The following SNAP91 variants were observed in gnomAD, a reference collection of about 807,000 sequenced individuals.
The protein encoded by SNAP91 is synaptosome associated protein 91, also known as clathrin coat assembly protein AP180.
A neutral mutation model predicts 100.3 loss-of-function variants in SNAP91; 27 were observed. The ratio of observed to expected loss-of-function variants is 0.27; its 90% CI spans 0.20 to 0.37. The LOEUF (loss-of-function observed/expected upper bound fraction) is 0.37, where lower values mean the gene tolerates loss of function less well. Among genes scored for constraint, SNAP91 ranks in the 10% least tolerant of loss-of-function variants. SNAP91 has a pLI of 1.00. For synonymous variants in SNAP91, 404 were observed against 398.6 expected (o/e 1.01, Z -0.16); for missense variants, 986 against 1,123.7 (o/e 0.88, Z 1.75).
intron 2 of SNAP91, among the ~76,000 whole-genome samples, chr6:83,666,641 C>T (rs1054512164): frequency 6.6e-6 from 1 of 152,028 alleles, no homozygotes; most frequent in African/African-American, 2.4e-5. Context: ...GATATTCTAC[C>T]ACTGAAAAAT....
At chr6:83,647,972 C>T (rs1240750779) in intron 7 of SNAP91, among the ~76,000 whole-genome samples, 1 of 152,116 alleles carries the variant, frequency 6.6e-6, no homozygotes, top group Non-Finnish European at 1.5e-5. Flanking sequence ...ACAAAAGTCA[C>T]CTCTTAAAAG....
Position 83,659,014 on chromosome 6 carries a change from T to C in SNAP91, c.531A>G (p.Ala177=), listed in dbSNP as rs756191087. 2 of 1,603,294 alleles carry C rather than the reference T, an allele frequency of 1.2e-6. No individual in the cohort carries two copies. Among genetic ancestry groups the C allele is most frequent in the Non-Finnish European group, 1.7e-6 (2 of 1,174,450 alleles). Residue 177 remains alanine, a synonymous_variant, in exon 6 of 30, where the codon GCA becomes GCG. Coordinates refer to ENST00000369694, the MANE Select transcript of SNAP91 (RefSeq NM_001242792.2). The stretch of plus-strand genomic sequence containing the variant: ...AGATACATACATCAAATTCAAGCAG[T>C]GCATCAATTTGTCCCTGTAGTATTG... ...SMPILQGQID[A]LLEFDVHPNE...
At chr6:83,575,924 T>C in intron 25 of SNAP91, 99 bp downstream of exon 25, 1 of 673,156 alleles carries the variant, frequency 1.5e-6, no homozygotes, top group Non-Finnish European at 2.5e-6. Flanking sequence ...TTATCTAGCA[T>C]GAGAATGAAT....
chr6:83,645,476 T>G (rs151217841), intron 7 of SNAP91, among the ~76,000 whole-genome samples: 6 of 152,280 alleles, frequency 3.9e-5, no homozygotes, highest in African/African-American at 1.4e-4. Context: ...CTCTTGGTGT[T>G]GTACATTCTA....
intron 16 of SNAP91, among the ~76,000 whole-genome samples, chr6:83,595,100 G>A (rs2094309347): frequency 6.6e-6 from 1 of 151,458 alleles, no homozygotes; most frequent in South Asian, 2.1e-4. Flanking sequence ...ATTTTACTAA[G>A]GTTTACTAAG....
At chr6:83,706,355 TG>T in intron 2 of SNAP91, among the ~76,000 whole-genome samples, 4 of 152,238 alleles carry the variant, frequency 2.6e-5, no homozygotes, top group Admixed American at 2.6e-4. Flanking sequence ...TGCAGCAAAG[TG>T]ATCTGGTCAC....
chr6:83,650,428 A>AT (rs888968929), intron 7 of SNAP91, among the ~76,000 whole-genome samples: 1 of 151,676 alleles, frequency 6.6e-6, no homozygotes, highest in Non-Finnish European at 1.5e-5. Context: ...AGTCAAATTA[A>AT]TTTTTTTTGA....
chr6:83,558,354 T>G (rs1158963486), intron 28 of SNAP91, among the ~76,000 whole-genome samples: 1 of 152,208 alleles, frequency 6.6e-6, no homozygotes. Flanking sequence ...ATACCTAACC[T>G]CAACCATTAT....
intron 26 of SNAP91, among the ~76,000 whole-genome samples, chr6:83,572,715 G>A (rs1439909307): frequency 6.6e-6 from 1 of 152,124 alleles, no homozygotes; most frequent in Non-Finnish European, 1.5e-5. Flanking sequence ...GGTGATAAGG[G>A]CAACATCACG....
chr6:83,684,545 C>T (rs1426351966), intron 2 of SNAP91, among the ~76,000 whole-genome samples: 1 of 152,108 alleles, frequency 6.6e-6, no homozygotes, highest in East Asian at 1.9e-4. Context: ...AAACAAAGTC[C>T]TTTTTGTCAC....
chr6:83,641,085 A>T lies in SNAP91; in HGVS notation c.765+11T>A. ...AAAATTATATTCCCAAGAAAACTTA[A>T]TATTACTTACCTCTGCAACCTTGAG... On this transcript the variant is annotated intron_variant, in intron 8 of 29. Coordinates refer to ENST00000369694, the MANE Select transcript of SNAP91 (RefSeq NM_001242792.2). 7.1e-7 allele frequency: 1 copy of T among 1,405,302 alleles called. No individual in the cohort carries two copies. Among genetic ancestry groups the T allele is most frequent in the East Asian group, 2.5e-5 (1 of 39,222 alleles). The allele number at this position is 1,405,302 out of a possible 1,614,324, so 87.1% of individuals were successfully genotyped here. A position where few individuals can be genotyped will look rare whatever the true frequency, so the allele number is the denominator to read the frequency against.
At chr6:83,662,985 C>T (rs1031574016) in intron 3 of SNAP91, among the ~76,000 whole-genome samples, 1 of 152,134 alleles carries the variant, frequency 6.6e-6, no homozygotes. Flanking sequence ...GTAATTCTCA[C>T]AATAGTTCAA....
At chr6:83,630,919 A>G (rs888428834) in intron 8 of SNAP91, among the ~76,000 whole-genome samples, 1 of 151,768 alleles carries the variant, frequency 6.6e-6, no homozygotes, top group African/African-American at 2.4e-5. Flanking sequence ...TTGATCCTTG[A>G]GGTGTGACCT....
intron 22 of SNAP91, among the ~76,000 whole-genome samples, chr6:83,588,737 G>A (rs1305867412): frequency 6.6e-6 from 1 of 152,166 alleles, no homozygotes; most frequent in East Asian, 1.9e-4. Context: ...TTTTCCCACA[G>A]GAAAAGGCCT....
chr6:83,566,704 T>C (rs1199702130), intron 26 of SNAP91, among the ~76,000 whole-genome samples: 1 of 152,166 alleles, frequency 6.6e-6, no homozygotes, highest in Non-Finnish European at 1.5e-5. Context: ...TGAGTTCTCA[T>C]GTAAGCAAAA....
At chr6:83,658,936 G>T in intron 6 of SNAP91, 63 bp downstream of exon 6, 2 of 1,222,692 alleles carry the variant, frequency 1.6e-6, no homozygotes, top group Non-Finnish European at 2.3e-6. Context: ...TTTACCTGTA[G>T]CCCATCTTCA....
At chr6:83,584,118 G>T (rs1298950172) in intron 22 of SNAP91, among the ~76,000 whole-genome samples, 1 of 152,100 alleles carries the variant, frequency 6.6e-6, no homozygotes, top group Non-Finnish European at 1.5e-5. Context: ...GAAGATTGGT[G>T]GCTGTATTAA....
At chr6:83,660,673 T>TTTATATATGTG (rs2098523612) in intron 5 of SNAP91, among the ~76,000 whole-genome samples, 1 of 152,180 alleles carries the variant, frequency 6.6e-6, no homozygotes, top group African/African-American at 2.4e-5. Flanking sequence ...ATGGTGTGTG[T>TTTATATATGTG]TTATATATGT....
intron 2 of SNAP91, among the ~76,000 whole-genome samples, chr6:83,687,820 G>A (rs762948507): frequency 2.0e-5 from 3 of 152,186 alleles, no homozygotes; most frequent in Non-Finnish European, 2.9e-5. Flanking sequence ...GACAGGTAGA[G>A]CCAACTAATT....
Sources: allele counts gnomAD v4.1 joint callset (sites outside exome capture counted in the v4.1 genomes callset), GRCh38; gene constraint gnomAD v4.1.1; transcripts MANE v1.5; gene names NCBI Gene and HGNC (gene_info 2026-07-23, HGNC 2026-07-21).